Variants in MND1 observed in about 807,000 individuals in gnomAD.
MND1 encodes meiotic nuclear divisions 1.
Under a neutral mutation model 35.1 loss-of-function variants are expected in MND1, and 28 were observed. The ratio of observed to expected loss-of-function variants is 0.80; its 90% CI spans 0.59 to 1.09. MND1 has a LOEUF of 1.09. Among genes scored for constraint, MND1 ranks in the 50% least tolerant of loss-of-function variants. MND1 has a pLI of 0.00. For synonymous variants in MND1, 69 were observed against 70.5 expected, an observed-to-expected ratio of 0.98 and a Z score of 0.11; for missense variants, 213 against 239.6, an observed-to-expected ratio of 0.89 and a Z score of 0.73.
intron 6 of MND1, among the ~76,000 whole-genome samples, chr4:153,400,534 A>G (rs1729321044): frequency 6.6e-6 from 1 of 152,026 alleles, no homozygotes; most frequent in African/African-American, 2.4e-5. Context: ...CAAACAATTT[A>G]AAATTAGCTG....
At chr4:153,397,450 G>A (rs1170836051) in intron 6 of MND1, 117 bp downstream of exon 6, 1 of 674,940 alleles carries the variant, frequency 1.5e-6, no homozygotes, top group African/African-American at 1.8e-5. Context: ...AGTTAAGGTA[G>A]TATTCTGTTT....
chr4:153,364,109 G>A (rs1167527354), intron 4 of MND1, among the ~76,000 whole-genome samples: 1 of 152,068 alleles, frequency 6.6e-6, no homozygotes, highest in Non-Finnish European at 1.5e-5. Flanking sequence ...AATAATAAGT[G>A]TTAGCAAGGA....
chr4:153,410,124 C>T (rs919105969), intron 7 of MND1, among the ~76,000 whole-genome samples: 3 of 152,164 alleles, frequency 2.0e-5, no homozygotes, highest in African/African-American at 4.8e-5. Flanking sequence ...ACCTACCTCC[C>T]ATTTTGGGAG....
At chr4:153,368,019 T>C (rs1486515291) in intron 4 of MND1, among the ~76,000 whole-genome samples, 1 of 152,238 alleles carries the variant, frequency 6.6e-6, no homozygotes, top group Non-Finnish European at 1.5e-5. Context: ...CCCATATCTC[T>C]TCTCTTAAAC....
At chr4:153,412,891 G>A (rs761482694) in intron 7 of MND1, among the ~76,000 whole-genome samples, 9 of 143,334 alleles carry the variant, frequency 6.3e-5, no homozygotes, top group Non-Finnish European at 1.4e-4. Flanking sequence ...TTCACCCTCT[G>A]CCTCCCGGGT....
chr4:153,383,240 C>T (rs1217402274), intron 4 of MND1, among the ~76,000 whole-genome samples: 2 of 152,278 alleles, frequency 1.3e-5, no homozygotes, highest in African/African-American at 2.4e-5. Flanking sequence ...TGAAACCTAA[C>T]GGAGAGTCTG....
At chr4:153,408,218 T>TAA (rs1729576393) in intron 6 of MND1, among the ~76,000 whole-genome samples, 1 of 152,192 alleles carries the variant, frequency 6.6e-6, no homozygotes, top group Non-Finnish European at 1.5e-5. Context: ...TGCAGTGAGC[T>TAA]ATGATCACAC....
At chr4:153,347,524 A>G (rs896569119) in intron 1 of MND1, among the ~76,000 whole-genome samples, 18 of 152,216 alleles carry the variant, frequency 1.2e-4, no homozygotes, top group African/African-American at 4.3e-4. Flanking sequence ...TCCCTTGTCT[A>G]ACTTGGCACT....
At position 153,355,607 on chromosome 4, in the gene MND1, A is replaced by T. The variant is rs371072695; in HGVS notation, c.70-47A>T. The T allele has an allele frequency of 2.0e-5, 25 of 1,247,036 alleles. No homozygotes were observed. In the African/African-American group the frequency reaches 3.2e-4, roughly 16 times the overall value. 77.2% of individuals were successfully genotyped at this position (1,247,036 alleles called of 1,614,324 possible). A position where few individuals can be genotyped will look rare whatever the true frequency, so the allele number is the denominator to read the frequency against. On this transcript the variant is annotated intron_variant, in intron 2 of 7. Coordinates refer to ENST00000240488, the MANE Select transcript of MND1 (RefSeq NM_032117.4). The stretch of plus-strand genomic sequence containing the variant: ...TTTTAAAAATGAAAATATACATAGT[A>T]GAAAATAAACACGTGCTTTTCATTT...
rs1554011429 is a variant in MND1, at chr4:153,381,692, A to ATAT, written c.277-12569_277-12568insATT. On this transcript the variant is annotated intron_variant, in intron 4 of 7. Coordinates refer to ENST00000240488, the MANE Select transcript of MND1 (RefSeq NM_032117.4). ...AATATATATATATATATATATATATATTTTTTTTTTTTTTTTTTTTTTTTT... is the reference window on the plus strand; with the variant it reads ...AATATATATATATATATATATATATATATTTTTTTTTTTTTTTTTTTTTTTTTT... 1.1e-3 allele frequency: 19 copies of ATAT among 17,484 alleles called. 2 individuals carry two copies. The highest frequency in any genetic ancestry group is 1.8e-3 in the Non-Finnish European group (17 of 9,568). 1.1% of individuals were successfully genotyped at this position (17,484 alleles called of 1,614,324 possible).
At chr4:153,393,368 CTTTTTTTTTT>C (rs60689772) in intron 4 of MND1, among the ~76,000 whole-genome samples, 3 of 125,336 alleles carry the variant, frequency 2.4e-5, no homozygotes, top group Non-Finnish European at 5.1e-5. Context: ...CAATTTCTTT[CTTTTTTTTTT>C]TTTTTTTTTT....
intron 7 of MND1, among the ~76,000 whole-genome samples, chr4:153,412,778 G>A (rs1343957834): frequency 4.0e-5 from 6 of 149,562 alleles, no homozygotes; most frequent in East Asian, 2.0e-4. Context: ...GTGAGCCACC[G>A]CAACCAGCCA....
intron 2 of MND1, among the ~76,000 whole-genome samples, chr4:153,353,425 A>AT (rs1448628536): frequency 9.2e-6 from 1 of 108,994 alleles, no homozygotes; most frequent in Non-Finnish European, 2.0e-5. Context: ...ATATATATAT[A>AT]TATATATATA....
chr4:153,363,335 C>T (rs572666914), intron 4 of MND1, among the ~76,000 whole-genome samples: 124 of 152,082 alleles, frequency 8.2e-4, no homozygotes, highest in Non-Finnish European at 1.5e-3. Context: ...CCTCAGCCTC[C>T]CAAGTAGCTG....
chr4:153,407,406 T>A (rs901339168), intron 6 of MND1, among the ~76,000 whole-genome samples: 4 of 152,052 alleles, frequency 2.6e-5, no homozygotes, highest in African/African-American at 9.7e-5. Flanking sequence ...GAAGTTGCAG[T>A]GAGCCAAGAC....
chr4:153,347,426 G>T lies in MND1; in HGVS notation c.4-2638G>T, dbSNP rs377579591. Among the ~76,000 whole-genome samples the T allele has an allele frequency of 2.6e-5, 4 of 152,186 alleles. No individual in the cohort carries two copies. The South Asian group carries it at 6.2e-4, about 24-fold the overall frequency. On this transcript the variant is annotated intron_variant, in intron 1 of 7. Transcript: ENST00000240488. ...TGTTATATCTATGGGAGTATGGTAG[G>T]TGTTGGGGGGCTTAGGAGCCTGAGC...
intron 1 of MND1, 37 bp downstream of exon 1, chr4:153,344,777 C>T: frequency 6.3e-7 from 1 of 1,597,554 alleles, no homozygotes; most frequent in Middle Eastern, 1.7e-4. Flanking sequence ...TCTTCTTCCT[C>T]CCTAGTGTGT....
At chr4:153,349,108 T>TC (rs1196548634) in intron 1 of MND1, among the ~76,000 whole-genome samples, 1 of 151,710 alleles carries the variant, frequency 6.6e-6, no homozygotes, top group Non-Finnish European at 1.5e-5. Context: ...TTTTTTTTTT[T>TC]TTCTGTAAAC....
chr4:153,393,924 C>CTTTTTTTTTTTTTTTTTTTTTTTTT (rs36028750), intron 4 of MND1, among the ~76,000 whole-genome samples: 4 of 56,464 alleles, frequency 7.1e-5, no homozygotes, highest in Non-Finnish European at 1.2e-4. Flanking sequence ...ACTTTGTTTT[C>CTTTTTTTTTTTTTTTTTTTTTTTTT]TTTTTTTTTT....
Sources: gnomAD v4.1 joint callset for allele counts (sites outside exome capture counted in the v4.1 genomes callset) on GRCh38, gnomAD v4.1.1 for gene constraint, MANE v1.5 for transcripts, NCBI Gene and HGNC (gene_info 2026-07-23, HGNC 2026-07-21) for gene names.